Variants in LYN observed in about 807,000 individuals in gnomAD.
LYN encodes LYN proto-oncogene, Src family tyrosine kinase.
A neutral mutation model predicts 65.0 loss-of-function variants in LYN; 12 were observed. The ratio of observed to expected loss-of-function variants is 0.18; its 90% confidence interval spans 0.12 to 0.30. The LOEUF (loss-of-function observed/expected upper bound fraction) is 0.30. Ranked by LOEUF, LYN falls within the 10% of genes least tolerant of loss-of-function variation. LYN has a pLI of 1.00. For missense variants in LYN, 380 were observed against 623.2 expected (o/e 0.61, Z 4.16); for synonymous variants, 222 against 221.2 (o/e 1.00, Z -0.03).
chr8:55,887,253 G>A (rs946369536), intron 1 of LYN, among the ~76,000 whole-genome samples: 4 of 152,182 alleles, frequency 2.6e-5, no homozygotes, highest in African/African-American at 9.7e-5. Flanking sequence ...TCAGGAGCTC[G>A]AAATCAGCCT....
intron 1 of LYN, among the ~76,000 whole-genome samples, chr8:55,891,143 G>T (rs142228114): frequency 0.041 from 6,224 of 151,900 alleles, 143 homozygotes; most frequent in Non-Finnish European, 0.053. Context: ...ACCTGAGGTC[G>T]GCAGTTTGAC....
chr8:55,964,101 TC>T (rs1807372400), intron 8 of LYN, among the ~76,000 whole-genome samples: 1 of 152,252 alleles, frequency 6.6e-6, no homozygotes, highest in Non-Finnish European at 1.5e-5. Flanking sequence ...TATTCATAAT[TC>T]CATTATTTTA....
intron 1 of LYN, among the ~76,000 whole-genome samples, chr8:55,908,793 T>C (rs2130398652): frequency 6.6e-6 from 1 of 151,910 alleles, no homozygotes; most frequent in African/African-American, 2.4e-5. Context: ...ACATTCTGTG[T>C]CCATGTGTGC....
At chr8:55,947,516 G>GC (rs1806813800) in intron 3 of LYN, 102 bp from the exon 4 acceptor site, 1 of 784,892 alleles carries the variant, frequency 1.3e-6, no homozygotes, top group African/African-American at 1.7e-5. Flanking sequence ...TCTTCCAGTT[G>GC]CCCCCTCTTA....
In LYN at chr8:56,013,310, A is replaced by C. The variant is rs1282627643; in HGVS notation, c.*3200A>C. ...TTGACAGAGTCTCACTCTGTCACGC[A>C]GGCTAGAGTTGCAGTGGTGCGATCT... On this transcript the variant is annotated 3_prime_UTR_variant, in exon 13 of 13. Coordinates refer to ENST00000519728, the MANE Select transcript of LYN (RefSeq NM_002350.4). 2 of 144,808 alleles carry C rather than the reference A, an allele frequency of 1.4e-5. No individual in the cohort carries two copies. The highest frequency in any genetic ancestry group is 2.6e-5 in the African/African-American group (1 of 37,936). The allele number at this position is 144,808 out of a possible 1,614,324, so 9.0% of individuals were successfully genotyped here.
At chr8:55,932,691 G>T in intron 1 of LYN, among the ~76,000 whole-genome samples, 1 of 152,138 alleles carries the variant, frequency 6.6e-6, no homozygotes, top group East Asian at 1.9e-4. Context: ...AAAGTGCTGG[G>T]ATTACAGGCA....
At position 55,953,971 on chromosome 8, in the gene LYN, G is replaced by T; in HGVS notation, c.777G>T (p.Gly259=). The T allele has an allele frequency of 6.2e-7, 1 of 1,613,968 alleles. No individual in the cohort carries two copies. The highest frequency in any genetic ancestry group is 1.1e-5 in the South Asian group (1 of 91,072). ...AAAGGCTTGGCGCTGGGCAGTTTGG[G>T]GAAGTCTGGATGGGTAAGTGTGCGG... ...LVKRLGAGQF[G]EVWMGYYNNS... is the part of the protein sequence containing the mutation. Residue 259 remains glycine, a synonymous_variant, in exon 8 of 13, where the codon GGG becomes GGT. Transcript: ENST00000519728.
At chr8:55,936,291 ATGGATC>A (rs1314694056) in intron 1 of LYN, among the ~76,000 whole-genome samples, 1 of 152,294 alleles carries the variant, frequency 6.6e-6, no homozygotes, top group East Asian at 1.9e-4. Context: ...CAGAAAACTC[ATGGATC>A]TGGAGCTTCC....
rs878955138 is a variant in LYN at position 56,010,708 on chromosome 8, T to TA, written c.*599dup. ...TGAGACTGTTAAAACATTTTTCTTCTATGAACACTGCTCAGACCTGCTAGA... is the reference window on the plus strand; with the variant it reads ...TGAGACTGTTAAAACATTTTTCTTCTAATGAACACTGCTCAGACCTGCTAGA... On this transcript the variant is annotated 3_prime_UTR_variant, in exon 13 of 13. Coordinates refer to ENST00000519728, the MANE Select transcript of LYN (RefSeq NM_002350.4). 1 of 229,848 alleles carries TA rather than the reference T, an allele frequency of 4.4e-6. No homozygotes were observed. The highest frequency in any genetic ancestry group is 2.3e-5 in the African/African-American group (1 of 44,160). The allele number at this position is 229,848 out of a possible 1,614,324, so 14.2% of individuals were successfully genotyped here. A position where few individuals can be genotyped will look rare whatever the true frequency, so the allele number is the denominator to read the frequency against.
At chr8:55,999,640 C>G (rs1166552747) in intron 12 of LYN, 91 bp downstream of exon 12, 1 of 1,259,306 alleles carries the variant, frequency 7.9e-7, no homozygotes, top group East Asian at 2.3e-5. Context: ...ATTACTTCAT[C>G]TACCCGATAG....
intron 1 of LYN, among the ~76,000 whole-genome samples, chr8:55,909,544 A>G (rs1460930844): frequency 6.6e-6 from 1 of 152,228 alleles, no homozygotes; most frequent in Non-Finnish European, 1.5e-5. Context: ...GCTATTCTGA[A>G]TAGTGCTCCA....
chr8:55,880,704 C>T (rs1157139576), intron 1 of LYN, among the ~76,000 whole-genome samples: 4 of 152,230 alleles, frequency 2.6e-5, no homozygotes, highest in Admixed American at 6.5e-5. Flanking sequence ...CTCACCCTCC[C>T]GCTGCGGCGC....
chr8:55,953,737 G>A, intron 7 of LYN, 95 bp from the exon 8 acceptor site: 2 of 1,078,722 alleles, frequency 1.9e-6, no homozygotes, highest in Non-Finnish European at 2.6e-6. Flanking sequence ...CGGCAGGTTG[G>A]ACACTATAAG....
intron 1 of LYN, among the ~76,000 whole-genome samples, chr8:55,930,789 G>T (rs1029322068): frequency 6.6e-6 from 1 of 152,022 alleles, no homozygotes; most frequent in Non-Finnish European, 1.5e-5. Flanking sequence ...GCTTCATTCC[G>T]GTCATACCAG....
intron 1 of LYN, among the ~76,000 whole-genome samples, chr8:55,922,934 A>G (rs903367120): frequency 2.0e-5 from 3 of 152,186 alleles, no homozygotes; most frequent in Admixed American, 6.5e-5. Context: ...TAGTAGAGAA[A>G]GGAGACCAAT....
At chr8:55,921,930 AG>A (rs2130434094) in intron 1 of LYN, among the ~76,000 whole-genome samples, 1 of 152,334 alleles carries the variant, frequency 6.6e-6, no homozygotes, top group Non-Finnish European at 1.5e-5. Context: ...TGATAATACA[AG>A]GGTGTGCAAA....
intron 10 of LYN, among the ~76,000 whole-genome samples, chr8:55,997,948 G>T (rs994878183): frequency 6.6e-6 from 1 of 152,174 alleles, no homozygotes; most frequent in Non-Finnish European, 1.5e-5. Context: ...GCCGGGCATG[G>T]TGGTGGGTGC....
chr8:55,879,903 G>C lies in LYN; in HGVS notation c.-206G>C. 2 of 204,284 alleles carry C rather than the reference G, an allele frequency of 9.8e-6. No individual in the cohort carries two copies. Among genetic ancestry groups the C allele is most frequent in the East Asian group, 1.7e-4 (1 of 5,988 alleles). The allele number at this position is 204,284 out of a possible 1,614,324, so 12.7% of individuals were successfully genotyped here. A position where few individuals can be genotyped will look rare whatever the true frequency, so the allele number is the denominator to read the frequency against. On this transcript the variant is annotated 5_prime_UTR_variant, in exon 1 of 13. Transcript: ENST00000519728. ...CGGCCGTGGCGCCTCCGGGCCAGAC[G>C]CGCTGCAGCCTCCAGCCCGCGGCAA... is the stretch of plus-strand genomic sequence containing the variant.
intron 1 of LYN, among the ~76,000 whole-genome samples, chr8:55,929,734 A>T (rs1047533743): frequency 6.6e-6 from 1 of 152,224 alleles, no homozygotes; most frequent in Non-Finnish European, 1.5e-5. Context: ...ATCCTACAAT[A>T]CACAGAACTG....
Sources: gnomAD v4.1 joint callset for allele counts (sites outside exome capture counted in the v4.1 genomes callset) on GRCh38, gnomAD v4.1.1 for gene constraint, MANE v1.5 for transcripts, NCBI Gene and HGNC (gene_info 2026-07-23, HGNC 2026-07-21) for gene names.